Variants in DENND1A observed in about 807,000 individuals in gnomAD.
DENND1A encodes DENN domain containing 1A, also known as DENN domain-containing protein 1A.
In DENND1A, 51 loss-of-function variants were observed where a neutral mutation model predicts 113.7. The observed-to-expected ratio is 0.45, with a 90% CI of 0.36 to 0.57. The LOEUF (loss-of-function observed/expected upper bound fraction) is 0.57. DENND1A is among the 20% of genes least tolerant of loss of function. DENND1A has a pLI of 0.00. For missense variants in DENND1A, 1,258 were observed against 1,395.9 expected (o/e 0.90, Z 1.57); for synonymous variants, 565 against 570.8 (o/e 0.99, Z 0.14).
intron 2 of DENND1A, among the ~76,000 whole-genome samples, chr9:123,855,274 T>C (rs1451855767): frequency 6.6e-6 from 1 of 150,904 alleles, no homozygotes; most frequent in Non-Finnish European, 1.5e-5. Context: ...TAATACGATA[T>C]GCAGGGTGCC....
intron 13 of DENND1A, among the ~76,000 whole-genome samples, chr9:123,537,916 G>A (rs1258520921): frequency 6.6e-6 from 1 of 152,220 alleles, no homozygotes; most frequent in Non-Finnish European, 1.5e-5. Context: ...TTACCAGGGA[G>A]CAAGTGTCAG....
chr9:123,792,727 G>A lies in DENND1A; in HGVS notation c.89-97C>T. ...TTGATCAGAAGATGATAGCAGCCCT[G>A]GCAGGGGATCCAAGGGGGGCAGCTG... On this transcript the variant is annotated intron_variant, in intron 2 of 23. Coordinates refer to ENST00000394215, the MANE Select transcript of DENND1A (RefSeq NM_001352964.2). The A allele has an allele frequency of 2.1e-6, 3 of 1,415,544 alleles. 1 individual carries two copies. In the African/African-American group the frequency reaches 4.2e-5, roughly 20 times the overall value. The allele number at this position is 1,415,544 out of a possible 1,614,324, so 87.7% of individuals were successfully genotyped here. A position where few individuals can be genotyped will look rare whatever the true frequency, so the allele number is the denominator to read the frequency against.
chr9:123,470,979 G>A lies in DENND1A; in HGVS notation c.994-13082C>T, dbSNP rs146021732. On this transcript the variant is annotated intron_variant, in intron 13 of 23. Coordinates refer to ENST00000394215, the MANE Select transcript of DENND1A (RefSeq NM_001352964.2). ...GGCAGCATCAGGAACTGGAAAGAGC[G>A]CCAGGGGAGTCAAATGCCTGACTTG... 4.9e-4 allele frequency among the ~76,000 whole-genome samples: 75 copies of A among 152,300 alleles called. 2 individuals are homozygous for A. The South Asian group carries it at 0.015, about 29-fold the overall frequency.
chr9:123,580,020 T>A (rs2058814512), intron 12 of DENND1A, among the ~76,000 whole-genome samples: 1 of 152,226 alleles, frequency 6.6e-6, no homozygotes, highest in South Asian at 2.1e-4. Context: ...GGTTATTAAC[T>A]GTCCTCCAAT....
At chr9:123,387,921 G>A (rs767390525) in intron 21 of DENND1A, 63 bp from the exon 22 acceptor site, 90 of 1,268,416 alleles carry the variant, frequency 7.1e-5, no homozygotes, top group Non-Finnish European at 8.8e-5. Flanking sequence ...AGAACTTCAC[G>A]TGCAGGCGGG....
intron 19 of DENND1A, chr9:123,414,220 A>G (rs2044537767): frequency 3.1e-5 from 36 of 1,178,906 alleles, no homozygotes; most frequent in Non-Finnish European, 3.8e-5. Context: ...AAGTACAGGT[A>G]ACAGCACTGC....
At chr9:123,412,240 C>A (rs2044363061) in intron 19 of DENND1A, among the ~76,000 whole-genome samples, 1 of 152,218 alleles carries the variant, frequency 6.6e-6, no homozygotes, top group African/African-American at 2.4e-5. Context: ...CCCACACAGA[C>A]CTTTCTCAAC....
At chr9:123,732,862 C>A (rs1022174202) in intron 5 of DENND1A, among the ~76,000 whole-genome samples, 3 of 152,190 alleles carry the variant, frequency 2.0e-5, no homozygotes, top group Non-Finnish European at 4.4e-5. Flanking sequence ...TAGGTTTCTT[C>A]ATCTGTATAA....
chr9:123,855,990 T>C (rs533088833), intron 2 of DENND1A, among the ~76,000 whole-genome samples: 1 of 152,152 alleles, frequency 6.6e-6, no homozygotes, highest in East Asian at 1.9e-4. Context: ...TGAGCCGAGA[T>C]CGCGCCATTG....
intron 21 of DENND1A, among the ~76,000 whole-genome samples, chr9:123,389,898 C>A (rs2042753281): frequency 6.6e-6 from 1 of 152,206 alleles, no homozygotes; most frequent in African/African-American, 2.4e-5. Context: ...GAGCTCCGAG[C>A]AGGGCAGTCT....
chr9:123,877,212 C>T (rs372001327), intron 2 of DENND1A, among the ~76,000 whole-genome samples: 8 of 152,156 alleles, frequency 5.3e-5, no homozygotes, highest in East Asian at 1.9e-4. Context: ...AAGGGCCAGG[C>T]GCGGTGGCTC....
At chr9:123,563,168 C>G (rs1458303820) in intron 12 of DENND1A, among the ~76,000 whole-genome samples, 2 of 152,168 alleles carry the variant, frequency 1.3e-5, no homozygotes, top group African/African-American at 2.4e-5. Context: ...AAATGAACAT[C>G]TATCTGCATG....
chr9:123,409,829 C>A (rs946829074), intron 20 of DENND1A, among the ~76,000 whole-genome samples: 1 of 152,142 alleles, frequency 6.6e-6, no homozygotes, highest in South Asian at 2.1e-4. Context: ...CGGTGGCTCA[C>A]GTCTGTAATC....
At chr9:123,678,858 T>C (rs1464149374) in intron 5 of DENND1A, among the ~76,000 whole-genome samples, 1 of 152,200 alleles carries the variant, frequency 6.6e-6, no homozygotes, top group Non-Finnish European at 1.5e-5. Flanking sequence ...TTTGGCAGAG[T>C]AATGTAAACA....
At chr9:123,458,099 C>T (rs772938091) in intron 13 of DENND1A, among the ~76,000 whole-genome samples, 36 of 149,796 alleles carry the variant, frequency 2.4e-4, no homozygotes, top group Non-Finnish European at 4.9e-4. Context: ...CTCCCGAGTT[C>T]AAGCGATTCT....
At chr9:123,583,096 C>A in intron 12 of DENND1A, 73 bp downstream of exon 12, 1 of 1,144,126 alleles carries the variant, frequency 8.7e-7, no homozygotes, top group Admixed American at 2.1e-5. Flanking sequence ...CCTCCTTCCC[C>A]ATTCCCCAAA....
intron 6 of DENND1A, among the ~76,000 whole-genome samples, chr9:123,676,019 T>C (rs918380501): frequency 2.0e-5 from 3 of 152,194 alleles, no homozygotes; most frequent in African/African-American, 4.8e-5. Context: ...TCAAGGTACA[T>C]GACAAAATGC....
intron 2 of DENND1A, among the ~76,000 whole-genome samples, chr9:123,827,806 C>T (rs928068659): frequency 1.3e-5 from 2 of 152,130 alleles, no homozygotes; most frequent in African/African-American, 4.8e-5. Flanking sequence ...CTAAGCCCAT[C>T]TTCAAATCAC....
intron 20 of DENND1A, among the ~76,000 whole-genome samples, chr9:123,406,529 G>T (rs979505199): frequency 6.6e-6 from 1 of 152,228 alleles, no homozygotes; most frequent in Non-Finnish European, 1.5e-5. Context: ...GGTATGTCAT[G>T]GTTGCTCAGC....
Sources: allele counts gnomAD v4.1 joint callset (sites outside exome capture counted in the v4.1 genomes callset), GRCh38; gene constraint gnomAD v4.1.1; transcripts MANE v1.5; gene names NCBI Gene and HGNC (gene_info 2026-07-23, HGNC 2026-07-21).